GRID2: variants seen among roughly 807,000 people sequenced by gnomAD.
GRID2 encodes glutamate receptor ionotropic, delta-2.
Under a neutral mutation model 114.8 loss-of-function variants are expected in GRID2, and 33 were observed. That is an observed-to-expected ratio of 0.29 (90% CI 0.22 to 0.38). The LOEUF is 0.38. GRID2 is among the 10% of genes least tolerant of loss of function. GRID2 has a pLI of 1.00. For missense variants in GRID2, 1,184 were observed against 1,257.7 expected (o/e 0.94, Z 0.89); for synonymous variants, 505 against 449.9 (o/e 1.12, Z -1.55).
At chr4:93,056,858 C>T (rs1727293285) in intron 2 of GRID2, among the ~76,000 whole-genome samples, 2 of 151,838 alleles carry the variant, frequency 1.3e-5, no homozygotes, top group Admixed American at 6.6e-5. Flanking sequence ...ATGCATTCTA[C>T]AGGTAAGATA....
chr4:93,672,693 C>G (rs1724533609), intron 14 of GRID2, among the ~76,000 whole-genome samples: 1 of 151,974 alleles, frequency 6.6e-6, no homozygotes, highest in Admixed American at 6.6e-5. Flanking sequence ...GAGCAAAATC[C>G]CAACCATTTC....
intron 2 of GRID2, among the ~76,000 whole-genome samples, chr4:92,712,342 T>A (rs1224382163): frequency 6.6e-6 from 1 of 152,118 alleles, no homozygotes; most frequent in South Asian, 2.1e-4. Context: ...AACAATTTTT[T>A]AAAAAATTAG....
intron 1 of GRID2, among the ~76,000 whole-genome samples, chr4:92,322,412 GATAAT>G (rs1726359750): frequency 6.6e-6 from 1 of 151,880 alleles, no homozygotes; most frequent in Non-Finnish European, 1.5e-5. Flanking sequence ...GAATAAAAAG[GATAAT>G]ATACTATTAA....
chr4:92,999,065 T>C (rs544428937), intron 2 of GRID2, among the ~76,000 whole-genome samples: 17 of 151,966 alleles, frequency 1.1e-4, no homozygotes, highest in Admixed American at 3.9e-4. Context: ...TTGCTCAAAA[T>C]TTAAGTGTGT....
chr4:92,438,936 A>G (rs974465654), intron 1 of GRID2, among the ~76,000 whole-genome samples: 1 of 152,144 alleles, frequency 6.6e-6, no homozygotes, highest in African/African-American at 2.4e-5. Flanking sequence ...CTTCTCTCCA[A>G]CACTGGTGTC....
intron 13 of GRID2, among the ~76,000 whole-genome samples, chr4:93,605,478 A>G (rs1242399328): frequency 6.6e-6 from 1 of 152,156 alleles, no homozygotes; most frequent in Non-Finnish European, 1.5e-5. Flanking sequence ...ATGGAACACT[A>G]TGTATAGTCT....
At chr4:93,596,161 G>A (rs904541500) in intron 13 of GRID2, among the ~76,000 whole-genome samples, 1 of 152,134 alleles carries the variant, frequency 6.6e-6, no homozygotes, top group Non-Finnish European at 1.5e-5. Context: ...ATACAAATTA[G>A]CCCTAGTAAA....
chr4:92,324,952 T>C (rs1461695619), intron 1 of GRID2, among the ~76,000 whole-genome samples: 1 of 151,944 alleles, frequency 6.6e-6, no homozygotes, highest in African/African-American at 2.4e-5. Flanking sequence ...GAAAAATCTC[T>C]TCCAAAAATC....
At chr4:92,583,868 T>C (rs1728296648) in intron 1 of GRID2, among the ~76,000 whole-genome samples, 1 of 149,600 alleles carries the variant, frequency 6.7e-6, no homozygotes, top group Admixed American at 6.7e-5. Flanking sequence ...TACATAAATA[T>C]ATACACATAT....
intron 14 of GRID2, among the ~76,000 whole-genome samples, chr4:93,738,291 G>A (rs1476653337): frequency 6.6e-6 from 1 of 152,094 alleles, no homozygotes. Context: ...TTTAGCAAGT[G>A]CAGTAGGAAT....
At chr4:92,392,306 T>C (rs138117730) in intron 1 of GRID2, among the ~76,000 whole-genome samples, 73 of 152,230 alleles carry the variant, frequency 4.8e-4, no homozygotes, top group East Asian at 3.9e-3. Context: ...CCCAGCACTT[T>C]GGGAGGCCAA....
chr4:92,825,146 T>C (rs1741597360), intron 2 of GRID2, among the ~76,000 whole-genome samples: 1 of 152,186 alleles, frequency 6.6e-6, no homozygotes, highest in Non-Finnish European at 1.5e-5. Context: ...TCTTCTGATT[T>C]AGTTCATGTA....
intron 1 of GRID2, among the ~76,000 whole-genome samples, chr4:92,315,546 T>C (rs1388610903): frequency 6.6e-6 from 1 of 152,174 alleles, no homozygotes; most frequent in Non-Finnish European, 1.5e-5. Context: ...TAAGTTGGAA[T>C]GAACCCCTAA....
chr4:92,765,885 T>A (rs535951987), intron 2 of GRID2, among the ~76,000 whole-genome samples: 14 of 152,270 alleles, frequency 9.2e-5, no homozygotes, highest in African/African-American at 2.9e-4. Context: ...CTTGGCCCTC[T>A]CTGTTTGACC....
At chr4:92,760,071 C>A (rs1310538441) in intron 2 of GRID2, among the ~76,000 whole-genome samples, 1 of 150,970 alleles carries the variant, frequency 6.6e-6, no homozygotes, top group African/African-American at 2.4e-5. Flanking sequence ...GAAACCTCAT[C>A]TCTACTAAAA....
chr4:93,471,150 T>A (rs188852269), intron 11 of GRID2, among the ~76,000 whole-genome samples: 8 of 152,146 alleles, frequency 5.3e-5, no homozygotes, highest in Admixed American at 2.0e-4. Flanking sequence ...CTGGCATGAG[T>A]GAAATAAAAT....
chr4:92,398,543 C>T (rs1409866334), intron 1 of GRID2, among the ~76,000 whole-genome samples: 3 of 152,190 alleles, frequency 2.0e-5, no homozygotes, highest in Non-Finnish European at 2.9e-5. Context: ...AAGTGATCTA[C>T]CTGCCTCGGC....
intron 4 of GRID2, among the ~76,000 whole-genome samples, chr4:93,184,951 G>T (rs1218304173): frequency 6.6e-6 from 1 of 152,104 alleles, no homozygotes; most frequent in Non-Finnish European, 1.5e-5. Context: ...ACTATAATGT[G>T]CCTGAAAGAC....
chr4:93,153,068 T>G (rs899485498), intron 4 of GRID2, among the ~76,000 whole-genome samples: 8 of 152,228 alleles, frequency 5.3e-5, no homozygotes, highest in African/African-American at 1.7e-4. Flanking sequence ...CCAAAGTGAT[T>G]GAATATTCTT....
Sources: allele counts gnomAD v4.1 joint callset (sites outside exome capture counted in the v4.1 genomes callset), GRCh38; gene constraint gnomAD v4.1.1; transcripts MANE v1.5; gene names NCBI Gene and HGNC (gene_info 2026-07-23, HGNC 2026-07-21).